The following ENOX1 variants were observed in gnomAD, a reference collection of about 807,000 sequenced individuals.
ENOX1 encodes ecto-NOX disulfide-thiol exchanger 1, also known as candidate growth-related and time keeping constitutive hydroquinone (NADH) oxidase.
In ENOX1, 42 loss-of-function variants were observed where a neutral mutation model predicts 82.5. That is an observed-to-expected ratio of 0.51 (90% CI 0.40 to 0.66). ENOX1 has a LOEUF of 0.66. ENOX1 is among the 30% of genes least tolerant of loss of function. The pLI is 0.00. For synonymous variants in ENOX1, 271 were observed against 282.2 expected, an observed-to-expected ratio of 0.96 and a Z score of 0.40; for missense variants, 608 against 811.6, an observed-to-expected ratio of 0.75 and a Z score of 3.05.
At chr13:43,521,548 G>A (rs1424573612) in intron 2 of ENOX1, among the ~76,000 whole-genome samples, 1 of 152,148 alleles carries the variant, frequency 6.6e-6, no homozygotes, top group Non-Finnish European at 1.5e-5. Flanking sequence ...CACAAGTCAA[G>A]TCCTTTGATG....
intron 5 of ENOX1, among the ~76,000 whole-genome samples, chr13:43,368,659 C>T (rs2051012381): frequency 6.6e-6 from 1 of 152,180 alleles, no homozygotes; most frequent in African/African-American, 2.4e-5. Flanking sequence ...GAAACACACT[C>T]TTAAGACACA....
chr13:43,313,928 G>A (rs1235353506), intron 11 of ENOX1, among the ~76,000 whole-genome samples: 1 of 152,156 alleles, frequency 6.6e-6, no homozygotes, highest in African/African-American at 2.4e-5. Flanking sequence ...TGACCAGCAT[G>A]CCCCAAGTAG....
In ENOX1 at chr13:43,353,131, T is replaced by C. The variant is rs140880720; in HGVS notation, c.823+2788A>G. 1.9e-3 allele frequency among the ~76,000 whole-genome samples: 285 copies of C among 152,314 alleles called. 11 individuals are homozygous for C. In the South Asian group the frequency reaches 0.052, roughly 28 times the overall value. ...CTGAGCACACATCACATCATTTCCATGTACATCTGGTCATGCCCAGTAGAA... is the reference window on the plus strand; with the variant it reads ...CTGAGCACACATCACATCATTTCCACGTACATCTGGTCATGCCCAGTAGAA... On this transcript the variant is annotated intron_variant, in intron 8 of 16. Transcript: ENST00000690772.
intron 7 of ENOX1, among the ~76,000 whole-genome samples, chr13:43,357,025 C>A (rs2050200831): frequency 6.6e-6 from 1 of 152,110 alleles, no homozygotes; most frequent in Admixed American, 6.5e-5. Flanking sequence ...TCTGAGAGAT[C>A]AACACTAACA....
chr13:43,383,386 C>T (rs1289195846), intron 5 of ENOX1, among the ~76,000 whole-genome samples: 1 of 152,086 alleles, frequency 6.6e-6, no homozygotes, highest in Non-Finnish European at 1.5e-5. Flanking sequence ...GCAAGCAAAC[C>T]TTCAGCTGTT....
intron 2 of ENOX1, among the ~76,000 whole-genome samples, chr13:43,572,685 C>T (rs150051162): frequency 7.2e-5 from 11 of 152,338 alleles, no homozygotes; most frequent in Non-Finnish European, 1.5e-4. Flanking sequence ...AGGTCTCCAG[C>T]GGGTGCTCTC....
rs183255184 is a variant in ENOX1 at position 43,342,180 on chromosome 13, G to A, written c.1036+2358C>T. Among the ~76,000 whole-genome samples the A allele has an allele frequency of 1.6e-4, 24 of 152,146 alleles. No individual in the cohort carries two copies. The East Asian group carries it at 3.9e-3, about 24-fold the overall frequency. Reference sequence around the variant, plus strand: ...ACATCTTCTACTTGTTTCAGATACCGTTTGGCAGAATTTTCTGTTACTCAC... The same window carrying A: ...ACATCTTCTACTTGTTTCAGATACCATTTGGCAGAATTTTCTGTTACTCAC... On this transcript the variant is annotated intron_variant, in intron 9 of 16. Coordinates refer to ENST00000690772, the MANE Select transcript of ENOX1 (RefSeq NM_001347969.2).
intron 3 of ENOX1, among the ~76,000 whole-genome samples, chr13:43,482,946 TG>T (rs1430516590): frequency 1.3e-5 from 2 of 152,078 alleles, no homozygotes; most frequent in African/African-American, 2.4e-5. Context: ...CACTGTTCAA[TG>T]GGGGTTAATC....
At chr13:43,586,964 C>G (rs1183276900) in intron 2 of ENOX1, among the ~76,000 whole-genome samples, 1 of 151,592 alleles carries the variant, frequency 6.6e-6, no homozygotes, top group Non-Finnish European at 1.5e-5. Flanking sequence ...ATTCCAGCTA[C>G]TCAGGAGGCT....
chr13:43,500,789 A>G (rs2076954098), intron 2 of ENOX1, among the ~76,000 whole-genome samples: 1 of 151,946 alleles, frequency 6.6e-6, no homozygotes, highest in Non-Finnish European at 1.5e-5. Flanking sequence ...TTAATGCACA[A>G]TATAAAAAGT....
chr13:43,214,136 G>A lies in ENOX1; in HGVS notation c.1801-15C>T. 1.2e-6 allele frequency: 2 copies of A among 1,610,192 alleles called. No homozygotes were observed. The highest frequency in any genetic ancestry group is 1.7e-6 in the Non-Finnish European group (2 of 1,177,846). ...TTTGCAGATATCTGTTAGAAAGGAA[G>A]GAAAGTCACTTTGGGGAAAGGAACT... On this transcript the variant is annotated splice_polypyrimidine_tract_variant and intron_variant, in intron 16 of 16. Coordinates refer to ENST00000690772, the MANE Select transcript of ENOX1 (RefSeq NM_001347969.2).
At chr13:43,362,180 C>CAT in intron 5 of ENOX1, among the ~76,000 whole-genome samples, 1 of 151,144 alleles carries the variant, frequency 6.6e-6, no homozygotes, top group Non-Finnish European at 1.5e-5. Context: ...CACACACACA[C>CAT]ACACACACAC....
At chr13:43,688,419 T>C (rs932414108) in intron 1 of ENOX1, among the ~76,000 whole-genome samples, 9 of 152,120 alleles carry the variant, frequency 5.9e-5, no homozygotes, top group Non-Finnish European at 1.2e-4. Flanking sequence ...GCCTTGGCAA[T>C]TGACCAGATG....
chr13:43,424,932 A>T (rs1335757124), intron 3 of ENOX1, among the ~76,000 whole-genome samples: 1 of 152,184 alleles, frequency 6.6e-6, no homozygotes, highest in East Asian at 1.9e-4. Context: ...CCAGTTGGAA[A>T]GTTCCAGTTC....
chr13:43,289,104 T>C (rs1001213922), intron 12 of ENOX1, among the ~76,000 whole-genome samples: 4 of 152,194 alleles, frequency 2.6e-5, no homozygotes, highest in African/African-American at 7.2e-5. Flanking sequence ...TTCATGCTCA[T>C]GGGTTGGAAG....
At chr13:43,379,948 T>A (rs577903275) in intron 5 of ENOX1, among the ~76,000 whole-genome samples, 1 of 151,832 alleles carries the variant, frequency 6.6e-6, no homozygotes, top group Non-Finnish European at 1.5e-5. Flanking sequence ...GGAACTAAGA[T>A]AAAAATAAGA....
intron 1 of ENOX1, among the ~76,000 whole-genome samples, chr13:43,775,260 C>T (rs1380632872): frequency 2.0e-5 from 3 of 152,158 alleles, no homozygotes; most frequent in Admixed American, 6.6e-5. Context: ...AAGCAATCCT[C>T]CCACCTCAGC....
At chr13:43,498,057 A>G (rs1030293031) in intron 2 of ENOX1, among the ~76,000 whole-genome samples, 1 of 152,048 alleles carries the variant, frequency 6.6e-6, no homozygotes, top group Non-Finnish European at 1.5e-5. Context: ...TGACTAAACC[A>G]TATATATTTC....
chr13:43,589,312 C>T (rs1398103546), intron 2 of ENOX1, among the ~76,000 whole-genome samples: 3 of 150,978 alleles, frequency 2.0e-5, no homozygotes, highest in Non-Finnish European at 2.9e-5. Context: ...AACAACCTCA[C>T]CCTCAGTGAA....
Sources: allele counts gnomAD v4.1 joint callset (sites outside exome capture counted in the v4.1 genomes callset), GRCh38; gene constraint gnomAD v4.1.1; transcripts MANE v1.5; gene names NCBI Gene and HGNC (gene_info 2026-07-23, HGNC 2026-07-21).